KALRN: variants seen among roughly 807,000 people sequenced by gnomAD.
KALRN encodes the protein kalirin.
Under a neutral mutation model 353.7 loss-of-function variants are expected in KALRN, and 70 were observed. That is an observed-to-expected ratio of 0.20 (90% CI 0.16 to 0.24). KALRN has a LOEUF of 0.24. Ranked by LOEUF, KALRN falls within the 10% of genes least tolerant of loss-of-function variation. The pLI, the probability that KALRN is intolerant of heterozygous loss-of-function variation, is 1.00. For missense variants in KALRN, 2,791 were observed against 3,756.7 expected (o/e 0.74, Z 6.72); for synonymous variants, 1,391 against 1,434.8 (o/e 0.97, Z 0.69).
intron 33 of KALRN, among the ~76,000 whole-genome samples, chr3:124,523,441 A>T (rs556347712): frequency 4.6e-5 from 7 of 152,226 alleles, no homozygotes; most frequent in Non-Finnish European, 1.0e-4. Flanking sequence ...TACGGAGAAA[A>T]TGCTAACTCA....
chr3:124,384,587 C>A (rs1341392084), intron 10 of KALRN: 2 of 366,136 alleles, frequency 5.5e-6, no homozygotes, highest in Non-Finnish European at 9.9e-6. Flanking sequence ...GTTCTCTACG[C>A]TCTCCCCACT....
intron 3 of KALRN, among the ~76,000 whole-genome samples, chr3:124,259,980 G>A (rs1355001595): frequency 6.6e-6 from 1 of 152,132 alleles, no homozygotes; most frequent in South Asian, 2.1e-4. Context: ...TAATCTGTCT[G>A]AATCACCTGA....
At chr3:124,257,384 T>C (rs1209575293) in intron 3 of KALRN, among the ~76,000 whole-genome samples, 1 of 152,200 alleles carries the variant, frequency 6.6e-6, no homozygotes, top group Non-Finnish European at 1.5e-5. Flanking sequence ...TTTAAACAAG[T>C]GTTCTAGGTG....
chr3:124,220,764 T>G (rs1227212502), intron 1 of KALRN, among the ~76,000 whole-genome samples: 2 of 152,180 alleles, frequency 1.3e-5, no homozygotes, highest in African/African-American at 4.8e-5. Context: ...CCCACAAACA[T>G]GCTTCCTGCC....
At chr3:124,073,960 T>C (rs1577797534) in intron 1 of KALRN, among the ~76,000 whole-genome samples, 1 of 152,206 alleles carries the variant, frequency 6.6e-6, no homozygotes, top group East Asian at 1.9e-4. Context: ...ATAGGATGAC[T>C]GAGGGGAGAA....
intron 10 of KALRN, among the ~76,000 whole-genome samples, chr3:124,362,806 T>C (rs2084202760): frequency 6.6e-6 from 1 of 152,198 alleles, no homozygotes; most frequent in Non-Finnish European, 1.5e-5. Context: ...GATGGACATG[T>C]TTCATTTTTC....
chr3:124,619,128 T>TC (rs1286592694), intron 34 of KALRN, among the ~76,000 whole-genome samples: 4 of 77,800 alleles, frequency 5.1e-5, no homozygotes, highest in African/African-American at 7.9e-5. Context: ...ATATTTGACT[T>TC]TTTTTTTTTT....
At chr3:124,673,822 G>A (rs1413258397) in intron 48 of KALRN, among the ~76,000 whole-genome samples, 2 of 152,056 alleles carry the variant, frequency 1.3e-5, no homozygotes, top group South Asian at 4.2e-4. Flanking sequence ...GTTGGGTAAG[G>A]GTAGGTCATG....
chr3:124,219,131 A>G (rs1013617390), intron 1 of KALRN, among the ~76,000 whole-genome samples: 4 of 152,220 alleles, frequency 2.6e-5, no homozygotes, highest in Admixed American at 1.3e-4. Context: ...GGATGTGAGA[A>G]ACTCTGCCTC....
At chr3:124,697,287 TGAGAC>T (rs1344629964) in intron 54 of KALRN, among the ~76,000 whole-genome samples, 1 of 152,176 alleles carries the variant, frequency 6.6e-6, no homozygotes, top group African/African-American at 2.4e-5. Flanking sequence ...TTCTGGCAAA[TGAGAC>T]GAGAACGAAT....
At chr3:124,152,872 C>A (rs985642825) in intron 1 of KALRN, 1 of 202,150 alleles carries the variant, frequency 4.9e-6, no homozygotes. Context: ...GCCTCGGCCT[C>A]TCAAAGTGCT....
intron 1 of KALRN, among the ~76,000 whole-genome samples, chr3:124,055,072 G>T (rs1353179994): frequency 2.0e-5 from 3 of 152,198 alleles, no homozygotes; most frequent in Non-Finnish European, 2.9e-5. Context: ...CGTGTCTGGT[G>T]TAACAGTTAC....
chr3:124,251,479 C>T (rs538490813), intron 3 of KALRN, among the ~76,000 whole-genome samples: 1 of 151,882 alleles, frequency 6.6e-6, no homozygotes, highest in African/African-American at 2.4e-5. Flanking sequence ...AAGCTATCCT[C>T]CCACCTCAGC....
intron 1 of KALRN, among the ~76,000 whole-genome samples, chr3:124,125,229 T>A (rs1371698370): frequency 6.6e-6 from 1 of 152,230 alleles, no homozygotes; most frequent in East Asian, 1.9e-4. Flanking sequence ...ATCATTGCCC[T>A]TTTACAGATG....
intron 3 of KALRN, among the ~76,000 whole-genome samples, chr3:124,257,490 G>A (rs2072189897): frequency 6.6e-6 from 1 of 152,214 alleles, no homozygotes. Context: ...AACGGCCCCA[G>A]TGGCATTTAA....
At chr3:124,433,138 A>G (rs2093342788) in intron 16 of KALRN, among the ~76,000 whole-genome samples, 1 of 152,220 alleles carries the variant, frequency 6.6e-6, no homozygotes, top group African/African-American at 2.4e-5. Flanking sequence ...CAGTGTTACT[A>G]GAGGCCTTTA....
chr3:124,324,243 G>A (rs1053114225), intron 6 of KALRN, among the ~76,000 whole-genome samples: 1 of 152,166 alleles, frequency 6.6e-6, no homozygotes, highest in Non-Finnish European at 1.5e-5. Flanking sequence ...ATTGTCTCAA[G>A]GTCTGCTTTG....
chr3:124,101,139 G>T (rs1217508264), intron 1 of KALRN, among the ~76,000 whole-genome samples: 1 of 152,168 alleles, frequency 6.6e-6, no homozygotes, highest in East Asian at 1.9e-4. Flanking sequence ...CATTTTCAAT[G>T]ACTTTCTAGA....
intron 6 of KALRN, among the ~76,000 whole-genome samples, chr3:124,309,239 TG>T (rs2078008489): frequency 1.3e-5 from 2 of 149,184 alleles, no homozygotes; most frequent in African/African-American, 5.0e-5. Flanking sequence ...ACTCATTTTT[TG>T]TAAGCTTATA....
Sources: gnomAD v4.1 joint callset for allele counts (sites outside exome capture counted in the v4.1 genomes callset) on GRCh38, gnomAD v4.1.1 for gene constraint, MANE v1.5 for transcripts, NCBI Gene and HGNC (gene_info 2026-07-23, HGNC 2026-07-21) for gene names.